Variants in MYRIP observed in about 807,000 individuals in gnomAD.
The protein encoded by MYRIP is myosin VIIA and Rab interacting protein, also known as rab effector MyRIP.
MYRIP carries 49 observed loss-of-function variants against 98.0 expected under a neutral mutation model. That is an observed-to-expected ratio of 0.50 (90% CI 0.40 to 0.63). The LOEUF (loss-of-function observed/expected upper bound fraction) is 0.63. Ranked by LOEUF, MYRIP falls within the 30% of genes least tolerant of loss-of-function variation. The pLI is 0.00. For missense variants in MYRIP, 1,004 were observed against 1,058.2 expected, an observed-to-expected ratio of 0.95 and a Z score of 0.71; for synonymous variants, 404 against 409.5, an observed-to-expected ratio of 0.99 and a Z score of 0.16.
At chr3:39,925,666 C>T (rs1167991929) in intron 2 of MYRIP, among the ~76,000 whole-genome samples, 1 of 152,034 alleles carries the variant, frequency 6.6e-6, no homozygotes, top group African/African-American at 2.4e-5. Context: ...TAATATCATT[C>T]TTTTTAATGG....
At chr3:40,231,745 C>CCTT (rs1952666121) in intron 11 of MYRIP, among the ~76,000 whole-genome samples, 1 of 152,016 alleles carries the variant, frequency 6.6e-6, no homozygotes, top group Non-Finnish European at 1.5e-5. Flanking sequence ...TTTTACTTTC[C>CCTT]CTTCCCTCAT....
chr3:40,167,036 C>A, intron 6 of MYRIP, 93 bp downstream of exon 6: 1 of 1,363,732 alleles, frequency 7.3e-7, no homozygotes, highest in Non-Finnish European at 1.0e-6. Context: ...AATCAATGTC[C>A]CAGCAGCTCT....
intron 2 of MYRIP, among the ~76,000 whole-genome samples, chr3:40,002,748 AAT>A (rs1351989978): frequency 4.6e-5 from 7 of 152,126 alleles, no homozygotes; most frequent in African/African-American, 1.7e-4. Flanking sequence ...TATTAAAATA[AAT>A]ATGATACACA....
chr3:40,116,835 G>A (rs1483556240), intron 3 of MYRIP, among the ~76,000 whole-genome samples: 2 of 152,198 alleles, frequency 1.3e-5, no homozygotes, highest in Non-Finnish European at 2.9e-5. Context: ...AGAAGTTAAA[G>A]CATTTCTCTA....
chr3:39,965,329 A>G (rs1221766633), intron 2 of MYRIP, among the ~76,000 whole-genome samples: 2 of 152,164 alleles, frequency 1.3e-5, no homozygotes, highest in African/African-American at 4.8e-5. Flanking sequence ...AAAAGAAAAA[A>G]TAAAGCATTT....
intron 10 of MYRIP, among the ~76,000 whole-genome samples, chr3:40,209,626 A>C (rs1575635625): frequency 6.6e-6 from 1 of 152,142 alleles, no homozygotes; most frequent in African/African-American, 2.4e-5. Context: ...AAAAAAAAGA[A>C]TTCAAACACT....
At position 40,162,720 on chromosome 3, in the gene MYRIP, A is replaced by T. The variant is rs1442413587; in HGVS notation, c.470-10A>T. The stretch of plus-strand genomic sequence containing the variant: ...ATATTCATTCTCTTCTCCCACCCCT[A>T]CCCTGCCAGGAGGAAGCCTTTTTGA... On this transcript the variant is annotated splice_polypyrimidine_tract_variant and intron_variant, in intron 4 of 16. Coordinates refer to ENST00000302541, the MANE Select transcript of MYRIP (RefSeq NM_015460.4). 6.2e-7 allele frequency: 1 copy of T among 1,613,112 alleles called. No individual in the cohort carries two copies.
At chr3:40,065,086 G>A (rs1186022576) in intron 3 of MYRIP, among the ~76,000 whole-genome samples, 7 of 152,136 alleles carry the variant, frequency 4.6e-5, no homozygotes, top group Admixed American at 3.9e-4. Flanking sequence ...TGCAGGCAGG[G>A]CCATGCTCTC....
intron 2 of MYRIP, among the ~76,000 whole-genome samples, chr3:40,035,785 T>A (rs1392092629): frequency 6.6e-6 from 1 of 151,880 alleles, no homozygotes; most frequent in African/African-American, 2.4e-5. Flanking sequence ...AAAGAAGGTA[T>A]AGGAACCAAG....
At chr3:40,088,365 A>T (rs1472297661) in intron 3 of MYRIP, among the ~76,000 whole-genome samples, 1 of 152,258 alleles carries the variant, frequency 6.6e-6, no homozygotes, top group African/African-American at 2.4e-5. Context: ...CTGAAGGATC[A>T]GTCAATACAA....
At chr3:39,811,154 C>T (rs529559848) in intron 1 of MYRIP, among the ~76,000 whole-genome samples, 3 of 152,264 alleles carry the variant, frequency 2.0e-5, no homozygotes, top group East Asian at 1.9e-4. Flanking sequence ...CCTAGCCTCT[C>T]TTGCCATTAT....
At chr3:40,218,619 TATATATATATATATATATA>T (rs1952213410) in intron 11 of MYRIP, among the ~76,000 whole-genome samples, 2 of 17,558 alleles carry the variant, frequency 1.1e-4, no homozygotes, top group Non-Finnish European at 3.2e-4. Flanking sequence ...ATTTTATATA[TATATATATATATATATATA>T]TATATATATA....
intron 16 of MYRIP, among the ~76,000 whole-genome samples, chr3:40,252,412 G>T (rs1238114809): frequency 6.6e-6 from 1 of 151,896 alleles, no homozygotes; most frequent in African/African-American, 2.4e-5. Context: ...GCCAACTCTG[G>T]CCCCAAACCT....
At chr3:40,045,795 T>C (rs1027207683) in intron 3 of MYRIP, among the ~76,000 whole-genome samples, 1 of 151,998 alleles carries the variant, frequency 6.6e-6, no homozygotes, top group Non-Finnish European at 1.5e-5. Context: ...GGTCAGAGGG[T>C]AACTGAGTTA....
At chr3:40,188,933 CAA>C (rs1951118485) in intron 9 of MYRIP, among the ~76,000 whole-genome samples, 1 of 152,194 alleles carries the variant, frequency 6.6e-6, no homozygotes, top group Admixed American at 6.5e-5. Flanking sequence ...CAAGACAAAA[CAA>C]CTTTTACCAA....
At chr3:39,892,066 A>AT (rs1318930600) in intron 1 of MYRIP, among the ~76,000 whole-genome samples, 3 of 152,114 alleles carry the variant, frequency 2.0e-5, no homozygotes, top group African/African-American at 7.2e-5. Flanking sequence ...TCCTAAAGTT[A>AT]TAAAAAGTTA....
intron 2 of MYRIP, among the ~76,000 whole-genome samples, chr3:39,976,496 A>G (rs185120467): frequency 0.015 from 2,350 of 152,340 alleles, 54 homozygotes; most frequent in African/African-American, 0.052. Context: ...GCGATTCCTC[A>G]GGGATCTAGA....
intron 4 of MYRIP, among the ~76,000 whole-genome samples, chr3:40,159,363 C>T (rs577948522): frequency 9.2e-5 from 14 of 152,240 alleles, no homozygotes; most frequent in Non-Finnish European, 1.6e-4. Context: ...CAAAGAGATC[C>T]GCTGTTAGTC....
At position 40,255,389 on chromosome 3, in the gene MYRIP, C is replaced by T. The variant is rs149827633; in HGVS notation, c.2548-2745C>T. On this transcript the variant is annotated intron_variant, in intron 16 of 16. Coordinates refer to ENST00000302541, the MANE Select transcript of MYRIP (RefSeq NM_015460.4). ...GGTGGTAGTTGTACAACCTCGTGAA[C>T]ATACTAAGTGCCACCAAATTGTTCA... is the stretch of plus-strand genomic sequence containing the variant. Among the ~76,000 whole-genome samples the T allele has an allele frequency of 2.8e-3, 433 of 152,268 alleles. 2 individuals are homozygous for T. The highest frequency in any genetic ancestry group is 9.6e-3 in the African/African-American group (398 of 41,540).
Sources: allele counts gnomAD v4.1 joint callset (sites outside exome capture counted in the v4.1 genomes callset), GRCh38; gene constraint gnomAD v4.1.1; transcripts MANE v1.5; gene names NCBI Gene and HGNC (gene_info 2026-07-23, HGNC 2026-07-21).